Variants in LRRK1 observed in about 807,000 individuals in gnomAD.
The protein encoded by LRRK1 is leucine-rich repeat serine/threonine-protein kinase 1.
LRRK1 carries 113 observed loss-of-function variants against 209.1 expected under a neutral mutation model. That is an observed-to-expected ratio of 0.54 (90% CI 0.46 to 0.63). LRRK1 has a LOEUF of 0.63. Among genes scored for constraint, LRRK1 ranks in the 30% least tolerant of loss-of-function variants. The probability of loss-of-function intolerance (pLI) is 0.00; values close to 1 mark genes in which losing one functional copy is unlikely to be tolerated. For missense variants in LRRK1, 2,284 were observed against 2,632.2 expected, an observed-to-expected ratio of 0.87 and a Z score of 2.89; for synonymous variants, 1,144 against 1,099.7, an observed-to-expected ratio of 1.04 and a Z score of -0.80.
chr15:101,060,768 T>A (rs2036120756), intron 29 of LRRK1, among the ~76,000 whole-genome samples: 4 of 149,952 alleles, frequency 2.7e-5, no homozygotes, highest in Admixed American at 6.7e-5. Flanking sequence ...TGGGAGCACA[T>A]TTTGAGTGCC....
intron 2 of LRRK1, among the ~76,000 whole-genome samples, chr15:100,967,202 A>G (rs137856408): frequency 3.4e-4 from 52 of 152,302 alleles, no homozygotes; most frequent in Non-Finnish European, 4.7e-4. Context: ...CTCTGCCTGT[A>G]AATAATTAAT....
intron 20 of LRRK1, among the ~76,000 whole-genome samples, chr15:101,032,003 G>T (rs1408280946): frequency 6.6e-6 from 1 of 152,206 alleles, no homozygotes; most frequent in Non-Finnish European, 1.5e-5. Context: ...CAAAGTGCTG[G>T]GATTACAGGG....
chr15:101,026,058 G>A lies in LRRK1; in HGVS notation c.2326G>A (p.Ala776Thr). 6.2e-7 allele frequency: 1 copy of A among 1,614,266 alleles called. No homozygotes were observed. Among genetic ancestry groups the A allele is most frequent in the Non-Finnish European group, 8.5e-7 (1 of 1,180,046 alleles). ...FRVERIATLR[A>T]YVLALCRSPS... ...TGTGGAAAGGATTGCAACGCTGCGTGCCTATGTGCTGGCACTCTGCCGCTC... is the reference window on the plus strand; with the variant it reads ...TGTGGAAAGGATTGCAACGCTGCGTACCTATGTGCTGGCACTCTGCCGCTC... The change falls in exon 17 of 34, where the codon GCC (alanine) becomes ACC (threonine). Residue 776 changes from alanine to threonine, a missense_variant. Around this residue, in one of 6 missense-constraint regions of LRRK1, gnomAD observed 780 missense variants for 985.2 expected, o/e 0.79. Coordinates refer to ENST00000388948, the MANE Select transcript of LRRK1 (RefSeq NM_024652.6).
chr15:100,960,738 C>T (rs564104238), intron 2 of LRRK1, among the ~76,000 whole-genome samples: 27 of 152,184 alleles, frequency 1.8e-4, no homozygotes, highest in Admixed American at 1.6e-3. Context: ...ATAGGAGGTA[C>T]TAAATATTTG....
intron 26 of LRRK1, among the ~76,000 whole-genome samples, chr15:101,053,745 C>T (rs1488714147): frequency 1.3e-5 from 2 of 152,322 alleles, no homozygotes; most frequent in African/African-American, 4.8e-5. Flanking sequence ...AGCACGGGAG[C>T]TGCATTGAAT....
In LRRK1 at chr15:100,928,204, G is replaced by A. The variant is rs562964527; in HGVS notation, c.97+3475G>A. 1.8e-4 allele frequency among the ~76,000 whole-genome samples: 27 copies of A among 152,230 alleles called. No homozygotes were observed. In the South Asian group the frequency reaches 3.7e-3, roughly 21 times the overall value. On this transcript the variant is annotated intron_variant, in intron 2 of 33. Coordinates refer to ENST00000388948, the MANE Select transcript of LRRK1 (RefSeq NM_024652.6). ...GATGATTTGTGTTTAGAATCTAAAC[G>A]GTAAACCTCCTGTGCTTACATCCAA...
rs574499353 is a variant in LRRK1, at chr15:101,046,969, G to A, written c.3135+817G>A. On this transcript the variant is annotated intron_variant, in intron 21 of 33. Transcript: ENST00000388948. ...AGCAAAATCAGCCTCACCTGGGAAC[G>A]TGTGAGGAACACACGTTCTCAGGCC... Among the ~76,000 whole-genome samples, 31 of 152,306 alleles carry A rather than the reference G, an allele frequency of 2.0e-4. No individual in the cohort carries two copies. The South Asian group carries it at 6.0e-3, about 30-fold the overall frequency.
intron 4 of LRRK1, among the ~76,000 whole-genome samples, chr15:100,985,525 G>A (rs1003246266): frequency 5.9e-5 from 9 of 152,134 alleles, no homozygotes; most frequent in Non-Finnish European, 8.8e-5. Flanking sequence ...GTATTTTTAC[G>A]CAGAGGTCTG....
intron 6 of LRRK1, among the ~76,000 whole-genome samples, chr15:100,998,475 G>A (rs995722913): frequency 2.0e-5 from 3 of 152,192 alleles, no homozygotes; most frequent in Non-Finnish European, 4.4e-5. Context: ...CAAAGTTTGG[G>A]TTATTTGTTT....
rs1596204564 is a variant in LRRK1, at chr15:100,962,810, T to TATATATATACAC, written c.98-10985_98-10984insCACATATATATA. Among the ~76,000 whole-genome samples, 16 of 30,176 alleles carry TATATATATACAC rather than the reference T, an allele frequency of 5.3e-4. 2 individuals are homozygous for TATATATATACAC. The highest frequency in any genetic ancestry group is 1.3e-3 in the South Asian group (1 of 798). 19.8% of individuals were successfully genotyped at this position (30,176 alleles called of 152,430 possible). On this transcript the variant is annotated intron_variant, in intron 2 of 33. Coordinates refer to ENST00000388948, the MANE Select transcript of LRRK1 (RefSeq NM_024652.6). ...TTCATTTTGCATATATATATATATA[T>TATATATATACAC]ATATATATATATATTTTTTTTTTTT... is the stretch of plus-strand genomic sequence containing the variant.
chr15:100,929,434 TTCCAA>T (rs1290524568), intron 2 of LRRK1, among the ~76,000 whole-genome samples: 3 of 152,244 alleles, frequency 2.0e-5, no homozygotes, highest in Non-Finnish European at 4.4e-5. Context: ...TCATGGCTAC[TTCCAA>T]TGTCTTGTTT....
At chr15:100,973,519 C>G (rs933635277) in intron 2 of LRRK1, among the ~76,000 whole-genome samples, 1 of 152,192 alleles carries the variant, frequency 6.6e-6, no homozygotes, top group Non-Finnish European at 1.5e-5. Context: ...GCCGCTCCCC[C>G]GCGGGCCGCT....
At chr15:100,971,287 T>C (rs1179876782) in intron 2 of LRRK1, among the ~76,000 whole-genome samples, 1 of 144,226 alleles carries the variant, frequency 6.9e-6, no homozygotes, top group Non-Finnish European at 1.5e-5. Context: ...TGAGCCGAGA[T>C]CGCGCCACTG....
intron 2 of LRRK1, among the ~76,000 whole-genome samples, chr15:100,957,313 G>T (rs2042786364): frequency 1.3e-5 from 2 of 152,058 alleles, no homozygotes; most frequent in Non-Finnish European, 2.9e-5. Context: ...GGTCTATTTG[G>T]TCTATAGTAT....
intron 29 of LRRK1, among the ~76,000 whole-genome samples, chr15:101,060,631 C>T (rs1023141997): frequency 6.6e-6 from 1 of 152,292 alleles, no homozygotes; most frequent in Non-Finnish European, 1.5e-5. Context: ...TCAGCCTCCT[C>T]TGCCATGCAG....
chr15:100,941,444 GTCTGTGTGTGTCTATGTCTC>G (rs2042427978), intron 2 of LRRK1, among the ~76,000 whole-genome samples: 4 of 137,274 alleles, frequency 2.9e-5, no homozygotes, highest in African/African-American at 9.0e-5. Context: ...GTGTGTGTGT[GTCTGTGTGTGTCTATGTCTC>G]TGTGTGTGTG....
At chr15:100,966,760 C>A (rs888686049) in intron 2 of LRRK1, among the ~76,000 whole-genome samples, 2 of 152,170 alleles carry the variant, frequency 1.3e-5, no homozygotes, top group Non-Finnish European at 2.9e-5. Context: ...CAGATAAACA[C>A]CACAACATTT....
At chr15:100,979,383 C>A (rs1484756263) in intron 3 of LRRK1, among the ~76,000 whole-genome samples, 1 of 152,110 alleles carries the variant, frequency 6.6e-6, no homozygotes, top group Non-Finnish European at 1.5e-5. Flanking sequence ...ACTATAATAT[C>A]ATTGTATTTA....
chr15:101,021,649 A>C (rs541239003), intron 13 of LRRK1, 196 bp from the exon 14 acceptor site: 1 of 567,278 alleles, frequency 1.8e-6, no homozygotes, highest in South Asian at 2.3e-5. Flanking sequence ...GATTTGCAGA[A>C]GACAGAGCTG....
Sources: allele counts gnomAD v4.1 joint callset (sites outside exome capture counted in the v4.1 genomes callset), GRCh38; gene constraint gnomAD v4.1.1; regional missense constraint gnomAD v4.1.1; transcripts MANE v1.5; gene names NCBI Gene and HGNC (gene_info 2026-07-23, HGNC 2026-07-21).